EEIG2: variants seen among roughly 807,000 people sequenced by gnomAD.
EEIG2 encodes EEIG family member 2.
At chr1:108,591,948 A>G in the EEIG2 span, among the ~76,000 whole-genome samples, 1 of 152,244 alleles carries the variant, frequency 6.6e-6, no homozygotes, top group East Asian at 1.9e-4. Context: ...AAGGGTCAAG[A>G]GATAAGACTA....
At chr1:108,601,417 G>A in the EEIG2 span, among the ~76,000 whole-genome samples, 9 of 151,724 alleles carry the variant, frequency 5.9e-5, no homozygotes, top group African/African-American at 1.4e-4. Context: ...CCAGTTCTGC[G>A]TCCTTGTCAG....
At chr1:108,620,342 T>C in the EEIG2 span, among the ~76,000 whole-genome samples, 1 of 11,174 alleles carries the variant, frequency 8.9e-5, no homozygotes, top group African/African-American at 1.0e-4. Context: ...GCACCAATTA[T>C]ATACCATAAG....
At chr1:108,622,325 T>C in the EEIG2 span, among the ~76,000 whole-genome samples, 1 of 152,152 alleles carries the variant, frequency 6.6e-6, no homozygotes, top group East Asian at 1.9e-4. Context: ...AAGACCACAG[T>C]GACAGTAGCA....
chr1:108,599,734 A>G, the EEIG2 span, among the ~76,000 whole-genome samples: 25 of 152,292 alleles, frequency 1.6e-4, no homozygotes, highest in African/African-American at 4.3e-4. Context: ...GCTCACGCCT[A>G]TGATCTCAGC....
At chr1:108,618,851 AT>A in the EEIG2 span, among the ~76,000 whole-genome samples, 1 of 151,158 alleles carries the variant, frequency 6.6e-6, no homozygotes, top group Middle Eastern at 3.2e-3. Context: ...AAAAAAAAAA[AT>A]CAATTCTTGA....
At chr1:108,610,664 C>T in the EEIG2 span, among the ~76,000 whole-genome samples, 1 of 152,128 alleles carries the variant, frequency 6.6e-6, no homozygotes, top group East Asian at 1.9e-4. Context: ...GGCGCGGTGG[C>T]TCACACCTGT....
the EEIG2 span, chr1:108,628,682 C>T: frequency 6.2e-7 from 1 of 1,609,060 alleles, no homozygotes; most frequent in Non-Finnish European, 8.5e-7. Context: ...CAAAGATGCC[C>T]AGTGAAACAA....
At chr1:108,615,208 T>C in the EEIG2 span, among the ~76,000 whole-genome samples, 1 of 152,192 alleles carries the variant, frequency 6.6e-6, no homozygotes, top group Non-Finnish European at 1.5e-5. Context: ...ACTAGTTATC[T>C]GGTTTTTAAA....
chr1:108,621,310 A>C, the EEIG2 span, among the ~76,000 whole-genome samples: 1 of 152,198 alleles, frequency 6.6e-6, no homozygotes, highest in Admixed American at 6.5e-5. Flanking sequence ...TTATTCAACA[A>C]GACTGAGTTG....
chr1:108,574,885 T>C, the EEIG2 span, among the ~76,000 whole-genome samples: 2 of 152,256 alleles, frequency 1.3e-5, no homozygotes, highest in South Asian at 2.1e-4. Context: ...TCAACTAATA[T>C]AGACTCCATT....
chr1:108,604,978 G>C, the EEIG2 span, among the ~76,000 whole-genome samples: 4 of 152,138 alleles, frequency 2.6e-5, no homozygotes, highest in African/African-American at 9.6e-5. Context: ...AGGAGTTTGA[G>C]GTTTCAGTGA....
the EEIG2 span, among the ~76,000 whole-genome samples, chr1:108,589,783 CTTTTTTTTTTTTTTTT>C: frequency 1.2e-5 from 1 of 85,160 alleles, no homozygotes; most frequent in African/African-American, 5.2e-5. Context: ...GTCTTTTGTC[CTTTTTTTTTTTTTTTT>C]TTTTTTTTTG....
the EEIG2 span, among the ~76,000 whole-genome samples, chr1:108,622,155 CAAAAA>C: frequency 6.6e-6 from 1 of 151,112 alleles, no homozygotes; most frequent in Admixed American, 6.6e-5. Flanking sequence ...AACTCCGTCT[CAAAAA>C]AGAAAAAAGA....
chr1:108,600,449 A>C, the EEIG2 span: 1 of 1,192,230 alleles, frequency 8.4e-7, no homozygotes, highest in Non-Finnish European at 1.2e-6. Flanking sequence ...ACTGTTTACA[A>C]ATACTGGCTT....
the EEIG2 span, among the ~76,000 whole-genome samples, chr1:108,563,228 G>T: frequency 6.6e-6 from 1 of 152,124 alleles, no homozygotes; most frequent in Non-Finnish European, 1.5e-5. Context: ...GTACGGAGTG[G>T]TTTATGCTAA....
the EEIG2 span, chr1:108,628,352 T>C: frequency 5.0e-6 from 8 of 1,611,346 alleles, no homozygotes; most frequent in Non-Finnish European, 6.8e-6. Flanking sequence ...GATTGCAGAG[T>C]GTTTGATATG....
the EEIG2 span, among the ~76,000 whole-genome samples, chr1:108,586,680 TGAA>T: frequency 6.6e-6 from 1 of 151,944 alleles, no homozygotes; most frequent in Non-Finnish European, 1.5e-5. Flanking sequence ...CAGAAAATAG[TGAA>T]GAACTGTAGG....
At chr1:108,575,961 TATG>T in the EEIG2 span, among the ~76,000 whole-genome samples, 2 of 152,334 alleles carry the variant, frequency 1.3e-5, no homozygotes, top group South Asian at 2.1e-4. Context: ...ATGTGAATGA[TATG>T]ATATGTGAAT....
At chr1:108,619,405 C>T in the EEIG2 span, among the ~76,000 whole-genome samples, 4 of 152,250 alleles carry the variant, frequency 2.6e-5, no homozygotes, top group South Asian at 6.2e-4. Flanking sequence ...TACACTTGCA[C>T]ATACTGAATA....
Sources: allele counts gnomAD v4.1 joint callset (sites outside exome capture counted in the v4.1 genomes callset), GRCh38; gene constraint gnomAD v4.1.1; transcripts MANE v1.5; gene names NCBI Gene and HGNC (gene_info 2026-07-23, HGNC 2026-07-21).